The following CCN1 variants were observed in gnomAD, a reference collection of about 807,000 sequenced individuals.
The protein encoded by CCN1 is CCN family member 1.
CCN1 carries 12 observed loss-of-function variants against 38.1 expected under a neutral mutation model. That is an observed-to-expected ratio of 0.31 (90% CI 0.20 to 0.51). The LOEUF (loss-of-function observed/expected upper bound fraction) is 0.51, where lower values mean the gene tolerates loss of function less well. CCN1 is among the 20% of genes least tolerant of loss of function. The pLI is 0.97. For synonymous variants in CCN1, 202 were observed against 196.1 expected, an observed-to-expected ratio of 1.03 and a Z score of -0.25; for missense variants, 466 against 490.9, an observed-to-expected ratio of 0.95 and a Z score of 0.48.
At position 85,581,961 on chromosome 1, in the gene CCN1, C is replaced by G. The variant is rs776907548; in HGVS notation, c.311C>G (p.Ser104Cys). The change falls in exon 3 of 5, where the codon TCC (serine) becomes TGC (cysteine). Residue 104 changes from serine (S) to cysteine (C), a missense_variant. Transcript: ENST00000451137. ...GAGGGCAGACCCTGTGAATATAACT[C>G]CAGAATCTACCAAAACGGGGAAAGT... Reference protein sequence around the residue: ...QSEGRPCEYNSRIYQNGESFQ... With the variant: ...QSEGRPCEYNCRIYQNGESFQ... The G allele has an allele frequency of 3.1e-6, 5 of 1,614,174 alleles. No individual in the cohort carries two copies. In the South Asian group the frequency reaches 4.4e-5, roughly 14 times the overall value.
Position 85,581,021 on chromosome 1 carries a change from G to A in CCN1, c.37G>A (p.Val13Ile). 1.2e-6 allele frequency: 2 copies of A among 1,610,370 alleles called. No homozygotes were observed. Among genetic ancestry groups the A allele is most frequent in the South Asian group, 1.1e-5 (1 of 90,316 alleles). Residue 13 changes from valine (V) to isoleucine (I), a missense_variant, in exon 1 of 5, where the codon GTC (valine) becomes ATC (isoleucine). Around this residue, in one of 3 missense-constraint regions of CCN1, gnomAD observed 146 missense variants for 141.1 expected, o/e 1.03. Coordinates refer to ENST00000451137, the MANE Select transcript of CCN1 (RefSeq NM_001554.5). ...SRIARALALVVTLLHLTRLAL... is the reference protein window; with the variant it reads ...SRIARALALVITLLHLTRLAL... The stretch of plus-strand genomic sequence containing the variant: ...CATCGCCAGGGCGCTCGCCTTAGTC[G>A]TCACCCTTCTCCACTTGACCAGGCT...
At chr1:85,581,189 C>T (rs550775253) in intron 1 of CCN1, 142 bp downstream of exon 1, 2 of 1,194,008 alleles carry the variant, frequency 1.7e-6, no homozygotes, top group African/African-American at 1.5e-5. Context: ...TCTCCCCCTC[C>T]CCCCGAAGAC....
intron 1 of CCN1, 135 bp downstream of exon 1, chr1:85,581,182 C>A: frequency 1.6e-6 from 2 of 1,213,098 alleles, no homozygotes; most frequent in Non-Finnish European, 2.3e-6. Flanking sequence ...TAAGCACTCT[C>A]CCCCTCCCCC....
chr1:85,580,818 G>A lies in CCN1; in HGVS notation c.-167G>A, dbSNP rs1036778399. 2.3e-5 allele frequency: 12 copies of A among 517,242 alleles called. No individual in the cohort carries two copies. Among genetic ancestry groups the A allele is most frequent in the African/African-American group, 4.0e-5 (2 of 49,952 alleles). The allele number at this position is 517,242 out of a possible 1,614,324, so 32.0% of individuals were successfully genotyped here. The stretch of plus-strand genomic sequence containing the variant: ...CCGCGCCCTCCGCGCCTTCTCCGCC[G>A]GGACCTCGAGCGAAAGACGCCCGCC... On this transcript the variant is annotated 5_prime_UTR_variant, in exon 1 of 5. Coordinates refer to ENST00000451137, the MANE Select transcript of CCN1 (RefSeq NM_001554.5).
Position 85,582,832 on chromosome 1 carries a change from G to A in CCN1, c.936G>A (p.Lys312=). The A allele has an allele frequency of 1.9e-6, 3 of 1,614,220 alleles. No individual in the cohort carries two copies. The highest frequency in any genetic ancestry group is 2.2e-5 in the East Asian group (1 of 44,886). ...GCLSVKKYRP[K]YCGSCVDGRC... is the part of the protein sequence containing the mutation. ...TGAGTGTGAAGAAATACCGGCCCAA[G>A]TACTGCGGTTCCTGCGTGGACGGCC... Residue 312 remains lysine (K), a synonymous_variant, in exon 5 of 5, where the codon AAG becomes AAA. Transcript: ENST00000451137.
Position 85,583,010 on chromosome 1 carries a change from C to A in CCN1, c.1114C>A (p.Leu372Met). Reference protein sequence around the residue: ...ANEAAFPFYRLFNDIHKFRD With the variant: ...ANEAAFPFYRMFNDIHKFRD ...TGAAGCAGCGTTTCCCTTCTACAGG[C>A]TGTTCAATGACATTCACAAATTTAG... is the stretch of plus-strand genomic sequence containing the variant. Residue 372 changes from leucine (L) to methionine (M), a missense_variant, in exon 5 of 5, where the codon CTG becomes ATG. Around this residue, in one of 3 missense-constraint regions of CCN1, gnomAD observed 309 missense variants for 319.9 expected, o/e 0.97. Transcript: ENST00000451137. 6.2e-7 allele frequency: 1 copy of A among 1,613,080 alleles called. No homozygotes were observed. The highest frequency in any genetic ancestry group is 8.5e-7 in the Non-Finnish European group (1 of 1,179,076).
intron 1 of CCN1, 73 bp from the exon 2 acceptor site, chr1:85,581,292 C>T: frequency 7.0e-7 from 1 of 1,434,398 alleles, no homozygotes. Context: ...GACCCCCGTC[C>T]CTCACTGCGG....
chr1:85,583,005 A>T lies in CCN1; in HGVS notation c.1109A>T (p.Tyr370Phe), dbSNP rs1659825501. ...GCCAATGAAGCAGCGTTTCCCTTCT[A>T]CAGGCTGTTCAATGACATTCACAAA... The part of the protein sequence containing the change: ...PHANEAAFPF[Y>F]RLFNDIHKFR... Residue 370 changes from tyrosine (Y) to phenylalanine (F), a missense_variant, in exon 5 of 5, where the codon TAC becomes TTC. Coordinates refer to ENST00000451137, the MANE Select transcript of CCN1 (RefSeq NM_001554.5). The T allele has an allele frequency of 6.2e-7, 1 of 1,613,344 alleles. No individual in the cohort carries two copies. Among genetic ancestry groups the T allele is most frequent in the Non-Finnish European group, 8.5e-7 (1 of 1,179,396 alleles).
chr1:85,583,183 A>G lies in CCN1; in HGVS notation c.*141A>G. On this transcript the variant is annotated 3_prime_UTR_variant, in exon 5 of 5. Transcript: ENST00000451137. Reference sequence around the variant, plus strand: ...GAAGCCTTGCTCATTCTTGAGGAGCATTAAGGTATTTCGAAACTGCCAAGG... The same window carrying G: ...GAAGCCTTGCTCATTCTTGAGGAGCGTTAAGGTATTTCGAAACTGCCAAGG... The G allele has an allele frequency of 2.1e-6, 2 of 940,046 alleles. No homozygotes were observed. The highest frequency in any genetic ancestry group is 3.1e-6 in the Non-Finnish European group (2 of 638,492). The allele number at this position is 940,046 out of a possible 1,614,324, so 58.2% of individuals were successfully genotyped here. A position where few individuals can be genotyped will look rare whatever the true frequency, so the allele number is the denominator to read the frequency against.
At position 85,582,507 on chromosome 1, in the gene CCN1, C is replaced by G. The variant is rs752842278; in HGVS notation, c.726C>G (p.Thr242=). Residue 242 remains threonine (T), a synonymous_variant, in exon 4 of 5, where the codon ACC becomes ACG. Coordinates refer to ENST00000451137, the MANE Select transcript of CCN1 (RefSeq NM_001554.5). ...QTTSWSQCSK[T]CGTGISTRVT... is the part of the protein sequence containing the mutation. ...CTTCATGGTCCCAGTGCTCAAAGAC[C>G]TGTGGAACTGGTATCTCCACACGAG... The G allele has an allele frequency of 1.2e-6, 2 of 1,614,182 alleles. No individual in the cohort carries two copies. Among genetic ancestry groups the G allele is most frequent in the South Asian group, 2.2e-5 (2 of 91,076 alleles).
At position 85,582,631 on chromosome 1, in the gene CCN1, T is replaced by G; in HGVS notation, c.843+7T>G. ...AGTGTACAGCAGCCTGAAAGTAAGT[T>G]CCTTCAGGGACGTGTAGACTGTTGC... On this transcript the variant is annotated splice_region_variant and intron_variant, in intron 4 of 4. Coordinates refer to ENST00000451137, the MANE Select transcript of CCN1 (RefSeq NM_001554.5). 6.2e-7 allele frequency: 1 copy of G among 1,614,142 alleles called. No homozygotes were observed. The highest frequency in any genetic ancestry group is 8.5e-7 in the Non-Finnish European group (1 of 1,180,024).
At chr1:85,581,336 G>A (rs946840087) in intron 1 of CCN1, 29 bp from the exon 2 acceptor site, 17 of 1,539,844 alleles carry the variant, frequency 1.1e-5, no homozygotes, top group Admixed American at 1.9e-5. Flanking sequence ...ACCGCGCCGA[G>A]TCTCACGCGT....
rs201555446 is a variant in CCN1, at chr1:85,581,894, C to G, written c.278-34C>G. 65 of 1,587,540 alleles carry G rather than the reference C, an allele frequency of 4.1e-5. No homozygotes were observed. In the African/African-American group the frequency reaches 7.7e-4, roughly 19 times the overall value. On this transcript the variant is annotated intron_variant, in intron 2 of 4. Coordinates refer to ENST00000451137, the MANE Select transcript of CCN1 (RefSeq NM_001554.5). ...GGTGGTTTGGAATCTTAACTTTATC[C>G]CCTTCTACCTTTCTCTTTTGGTGAT...
intron 3 of CCN1, 42 bp downstream of exon 3, chr1:85,582,326 A>G (rs1308509724): frequency 2.5e-6 from 4 of 1,613,430 alleles, no homozygotes; most frequent in South Asian, 1.1e-5. Context: ...ACTGAGATGC[A>G]TTTCTGGTCT....
In CCN1 at chr1:85,580,792, C is replaced by T. The variant is rs1659754243; in HGVS notation, c.-193C>T. 6 of 426,724 alleles carry T rather than the reference C, an allele frequency of 1.4e-5. No homozygotes were observed. Among genetic ancestry groups the T allele is most frequent in the South Asian group, 8.3e-5 (1 of 12,062 alleles). The allele number at this position is 426,724 out of a possible 1,614,324, so 26.4% of individuals were successfully genotyped here. A position where few individuals can be genotyped will look rare whatever the true frequency, so the allele number is the denominator to read the frequency against. ...CGAGCGAGAGCGCCCCCGAGCAGCG[C>T]CCGCGCCCTCCGCGCCTTCTCCGCC... On this transcript the variant is annotated 5_prime_UTR_variant, in exon 1 of 5. Transcript: ENST00000451137.
rs1248102545 is a variant in CCN1 at position 85,582,027 on chromosome 1, G to T, written c.377G>T (p.Gly126Val). 2 of 1,614,018 alleles carry T rather than the reference G, an allele frequency of 1.2e-6. No homozygotes were observed. Among genetic ancestry groups the T allele is most frequent in the Non-Finnish European group, 1.7e-6 (2 of 1,180,024 alleles). The part of the protein sequence containing the change: ...NCKHQCTCID[G>V]AVGCIPLCPQ... ...AAACATCAGTGCACATGTATTGATG[G>T]CGCCGTGGGCTGCATTCCTCTGTGT... The change falls in exon 3 of 5, where the codon GGC becomes GTC. Residue 126 changes from glycine (G) to valine (V), a missense_variant. Gly to Val is a moderately radical substitution (Grantham distance 109). Coordinates refer to ENST00000451137, the MANE Select transcript of CCN1 (RefSeq NM_001554.5).
At position 85,582,870 on chromosome 1, in the gene CCN1, C is replaced by A. The variant is rs201162720; in HGVS notation, c.974C>A (p.Pro325His). 6.2e-7 allele frequency: 1 copy of A among 1,614,132 alleles called. No homozygotes were observed. Among genetic ancestry groups the A allele is most frequent in the Admixed American group, 1.7e-5 (1 of 60,012 alleles). ...GSCVDGRCCT[P>H]QLTRTVKMRF... ...TGCGTGGACGGCCGATGCTGCACGC[C>A]CCAGCTGACCAGGACTGTGAAGATG... is the stretch of plus-strand genomic sequence containing the variant. The change falls in exon 5 of 5, where the codon CCC (proline) becomes CAC (histidine). Residue 325 changes from proline to histidine, a missense_variant. Pro to His is a moderately conservative substitution (Grantham distance 77). This residue lies in a region of CCN1 where 309 missense variants were observed against 319.9 expected (regional missense o/e 0.97). Coordinates refer to ENST00000451137, the MANE Select transcript of CCN1 (RefSeq NM_001554.5).
intron 4 of CCN1, 55 bp downstream of exon 4, chr1:85,582,679 A>G: frequency 6.2e-7 from 1 of 1,612,602 alleles, no homozygotes; most frequent in African/African-American, 1.3e-5. Flanking sequence ...TGGGATGTGA[A>G]CATCTTTTTG....
In CCN1 at chr1:85,581,399, C is replaced by A; in HGVS notation, c.98C>A (p.Pro33His). Reference sequence around the variant, plus strand: ...ACCTGCCCCGCTGCCTGCCACTGCCCCCTGGAGGCGCCCAAGTGCGCGCCG... The same window carrying A: ...ACCTGCCCCGCTGCCTGCCACTGCCACCTGGAGGCGCCCAAGTGCGCGCCG... ...LSTCPAACHC[P>H]LEAPKCAPGV... The change falls in exon 2 of 5, where the codon CCC (proline) becomes CAC (histidine). Residue 33 changes from proline (P) to histidine (H), a missense_variant. Around this residue, in one of 3 missense-constraint regions of CCN1, gnomAD observed 146 missense variants for 141.1 expected, o/e 1.03. Coordinates refer to ENST00000451137, the MANE Select transcript of CCN1 (RefSeq NM_001554.5). 1 of 1,603,826 alleles carries A rather than the reference C, an allele frequency of 6.2e-7. No individual in the cohort carries two copies. The highest frequency in any genetic ancestry group is 1.1e-5 in the South Asian group (1 of 89,686).
Sources: allele counts gnomAD v4.1 joint callset, GRCh38; gene constraint gnomAD v4.1.1; regional missense constraint gnomAD v4.1.1; transcripts MANE v1.5; gene names NCBI Gene and HGNC (gene_info 2026-07-23, HGNC 2026-07-21).